KIF6: variants seen among roughly 807,000 people sequenced by gnomAD.
The protein encoded by KIF6 is kinesin-like protein KIF6.
A neutral mutation model predicts 112.7 loss-of-function variants in KIF6; 106 were observed. The ratio of observed to expected loss-of-function variants is 0.94; its 90% CI spans 0.80 to 1.11. KIF6 has a LOEUF of 1.11. Ranked by LOEUF, KIF6 falls within the 50% of genes least tolerant of loss-of-function variation. KIF6 has a pLI of 0.00. For synonymous variants in KIF6, 339 were observed against 339.9 expected (o/e 1.00, Z 0.03); for missense variants, 929 against 964.0 (o/e 0.96, Z 0.48).
chr6:39,484,054 C>T (rs930282780), intron 13 of KIF6, among the ~76,000 whole-genome samples: 4 of 152,132 alleles, frequency 2.6e-5, no homozygotes, highest in African/African-American at 9.7e-5. Flanking sequence ...GAAGACAAAG[C>T]AGTGCTGTGA....
chr6:39,649,682 T>C (rs967147604), intron 3 of KIF6, among the ~76,000 whole-genome samples: 1 of 150,392 alleles, frequency 6.6e-6, no homozygotes, highest in Non-Finnish European at 1.5e-5. Context: ...GCAACTGCTA[T>C]AAAGTGACTC....
intron 15 of KIF6, among the ~76,000 whole-genome samples, chr6:39,404,322 T>C (rs967506110): frequency 6.6e-6 from 1 of 152,216 alleles, no homozygotes; most frequent in African/African-American, 2.4e-5. Context: ...AGATCTATGA[T>C]CTGTTTTGAC....
chr6:39,617,345 G>A (rs954215372), intron 5 of KIF6, among the ~76,000 whole-genome samples: 2 of 152,052 alleles, frequency 1.3e-5, no homozygotes, highest in African/African-American at 4.8e-5. Context: ...GCAGGCTCTT[G>A]TTCTCAATAA....
intron 13 of KIF6, among the ~76,000 whole-genome samples, chr6:39,431,761 C>G (rs1467950245): frequency 1.3e-5 from 2 of 152,192 alleles, no homozygotes; most frequent in East Asian, 3.9e-4. Flanking sequence ...TATCCTGTAT[C>G]GCCTTTGCCA....
At chr6:39,391,692 A>G (rs1372397140) in intron 15 of KIF6, among the ~76,000 whole-genome samples, 2 of 152,238 alleles carry the variant, frequency 1.3e-5, no homozygotes, top group African/African-American at 2.4e-5. Context: ...GCCAAAATAT[A>G]TGAATAAATC....
intron 8 of KIF6, among the ~76,000 whole-genome samples, 191 bp from the exon 9 acceptor site, chr6:39,585,175 C>G (rs1781555004): frequency 6.6e-6 from 1 of 152,184 alleles, no homozygotes; most frequent in Non-Finnish European, 1.5e-5. Flanking sequence ...CCTTTTTGGC[C>G]ACAAGGGCCT....
chr6:39,545,719 G>T, intron 10 of KIF6, 31 bp from the exon 11 acceptor site: 1 of 1,395,386 alleles, frequency 7.2e-7, no homozygotes, highest in Non-Finnish European at 1.0e-6. Context: ...AGAAGCAACT[G>T]TGAGCTAGAA....
intron 16 of KIF6, among the ~76,000 whole-genome samples, chr6:39,365,923 G>T (rs905352020): frequency 6.6e-6 from 1 of 152,190 alleles, no homozygotes; most frequent in Non-Finnish European, 1.5e-5. Flanking sequence ...AGGTAGGGGG[G>T]ACGGCCAGGG....
At position 39,674,045 on chromosome 6, in the gene KIF6, G is replaced by A. The variant is rs561847541; in HGVS notation, c.252-34288C>T. ...ATATAAGGTTTAGAAAAGAAAGGGA[G>A]AATTTTGAGAAAAATAAAATTAACC... On this transcript the variant is annotated intron_variant, in intron 3 of 22. Coordinates refer to ENST00000287152, the MANE Select transcript of KIF6 (RefSeq NM_145027.6). Among the ~76,000 whole-genome samples, 10 of 151,962 alleles carry A rather than the reference G, an allele frequency of 6.6e-5. No individual in the cohort carries two copies. The East Asian group carries it at 1.9e-3, about 29-fold the overall frequency.
At chr6:39,609,454 C>T (rs1783085730) in intron 6 of KIF6, among the ~76,000 whole-genome samples, 1 of 151,214 alleles carries the variant, frequency 6.6e-6, no homozygotes, top group Non-Finnish European at 1.5e-5. Context: ...TATGCTAGAC[C>T]ACTCGGACAC....
At chr6:39,545,459 C>T (rs564105655) in intron 11 of KIF6, 124 bp downstream of exon 11, 43 of 622,718 alleles carry the variant, frequency 6.9e-5, no homozygotes, top group Middle Eastern at 6.4e-4. Context: ...ATTCAAAGAT[C>T]GTACCATTTT....
intron 3 of KIF6, among the ~76,000 whole-genome samples, chr6:39,680,296 C>T (rs1466532857): frequency 6.6e-6 from 1 of 152,238 alleles, no homozygotes; most frequent in Non-Finnish European, 1.5e-5. Context: ...GCATGAGCCA[C>T]CATGCCCGGG....
intron 14 of KIF6, among the ~76,000 whole-genome samples, chr6:39,422,175 C>A (rs758549660): frequency 6.6e-6 from 1 of 152,120 alleles, no homozygotes; most frequent in Non-Finnish European, 1.5e-5. Flanking sequence ...CTGGAGGAAA[C>A]CAGAGTACAG....
intron 6 of KIF6, among the ~76,000 whole-genome samples, chr6:39,603,971 C>A (rs150821552): frequency 6.6e-6 from 1 of 152,190 alleles, no homozygotes; most frequent in Non-Finnish European, 1.5e-5. Flanking sequence ...TAAAGGAAAT[C>A]TCTTTTCGAT....
intron 13 of KIF6, among the ~76,000 whole-genome samples, chr6:39,496,045 A>G (rs1289388378): frequency 6.6e-6 from 1 of 152,154 alleles, no homozygotes; most frequent in Admixed American, 6.5e-5. Context: ...CCCTATCCCA[A>G]TCATTTCTTC....
At chr6:39,625,414 C>CAA (rs1301821867) in intron 5 of KIF6, among the ~76,000 whole-genome samples, 1 of 152,086 alleles carries the variant, frequency 6.6e-6, no homozygotes, top group Non-Finnish European at 1.5e-5. Flanking sequence ...TGATTACTGA[C>CAA]AGTGTTTCAG....
At chr6:39,443,725 T>C (rs1036686359) in intron 13 of KIF6, among the ~76,000 whole-genome samples, 5 of 152,082 alleles carry the variant, frequency 3.3e-5, no homozygotes, top group African/African-American at 1.2e-4. Context: ...ATTATAGGTG[T>C]GAGCCACCAT....
intron 13 of KIF6, among the ~76,000 whole-genome samples, chr6:39,463,057 T>C (rs1358937573): frequency 1.3e-5 from 2 of 152,224 alleles, no homozygotes. Flanking sequence ...ACAGCTAAGA[T>C]GAAATTTAAC....
chr6:39,573,576 G>A lies in KIF6; in HGVS notation c.1181+4480C>T, dbSNP rs187302434. ...GATTTGCTTTGGCAGGGTGATTTTC[G>A]TTTGCAACATTTGTTCTCCCTAACT... is the stretch of plus-strand genomic sequence containing the variant. On this transcript the variant is annotated intron_variant, in intron 10 of 22. Coordinates refer to ENST00000287152, the MANE Select transcript of KIF6 (RefSeq NM_145027.6). Among the ~76,000 whole-genome samples the A allele has an allele frequency of 2.4e-4, 36 of 152,186 alleles. 1 individual carries two copies. Among genetic ancestry groups the A allele is most frequent in the Non-Finnish European group, 2.8e-4 (19 of 68,002 alleles).
Sources: allele counts gnomAD v4.1 joint callset (sites outside exome capture counted in the v4.1 genomes callset), GRCh38; gene constraint gnomAD v4.1.1; transcripts MANE v1.5; gene names NCBI Gene and HGNC (gene_info 2026-07-23, HGNC 2026-07-21).